DHRS7: variants seen among roughly 807,000 people sequenced by gnomAD.
DHRS7 encodes dehydrogenase/reductase 7.
In DHRS7, 34 loss-of-function variants were observed where a neutral mutation model predicts 38.9. The observed-to-expected ratio is 0.87, with a 90% CI of 0.66 to 1.16. The LOEUF is 1.16. DHRS7 is among the 50% of genes most tolerant of loss of function. DHRS7 has a pLI of 0.00. For synonymous variants in DHRS7, 158 were observed against 153.1 expected, an observed-to-expected ratio of 1.03 and a Z score of -0.24; for missense variants, 421 against 407.0, an observed-to-expected ratio of 1.03 and a Z score of -0.30.
chr14:60,155,817 GC>G (rs1327642878), intron 2 of DHRS7, 182 bp downstream of exon 2: 1 of 448,652 alleles, frequency 2.2e-6, no homozygotes, highest in Non-Finnish European at 3.6e-6. Flanking sequence ...TAGAAAGGTG[GC>G]AGAAAAGAAG....
At chr14:60,163,701 A>C (rs1896808064) in intron 1 of DHRS7, among the ~76,000 whole-genome samples, 1 of 152,232 alleles carries the variant, frequency 6.6e-6, no homozygotes, top group African/African-American at 2.4e-5. Context: ...GCTTAGAGAT[A>C]TTCATTCAGA....
intron 4 of DHRS7, among the ~76,000 whole-genome samples, chr14:60,151,618 G>A (rs1896547585): frequency 6.6e-6 from 1 of 151,432 alleles, no homozygotes; most frequent in Non-Finnish European, 1.5e-5. Context: ...AAAGAGGAGA[G>A]AGGACACCAA....
intron 4 of DHRS7, among the ~76,000 whole-genome samples, chr14:60,151,895 T>TA (rs1237205265): frequency 1.3e-5 from 2 of 152,170 alleles, no homozygotes; most frequent in African/African-American, 2.4e-5. Flanking sequence ...CAGCATATCT[T>TA]ATGAGACACG....
chr14:60,154,028 C>G lies in DHRS7; in HGVS notation c.324G>C (p.Leu108Phe). The G allele has an allele frequency of 6.2e-7, 1 of 1,613,964 alleles. No individual in the cohort carries two copies. The highest frequency in any genetic ancestry group is 8.5e-7 in the Non-Finnish European group (1 of 1,179,910). The change falls in exon 3 of 7, where the codon TTG (leucine) becomes TTC (phenylalanine). Residue 108 changes from leucine to phenylalanine, a missense_variant. Leu to Phe is a conservative substitution (Grantham distance 22, BLOSUM62 0). Coordinates refer to ENST00000557185, the MANE Select transcript of DHRS7 (RefSeq NM_016029.4). ...GNLKEKDILVLPLDLTDTGSH... is the reference protein window; with the variant it reads ...GNLKEKDILVFPLDLTDTGSH... ...AACCAGTGTCGGTCAGGTCAAGGGG[C>G]AAAACAAGTATATCTTTTTCTTTTA... is the stretch of plus-strand genomic sequence containing the variant.
Position 60,165,120 on chromosome 14 carries a change from G to T in DHRS7, c.133+57C>A. 1 of 1,596,848 alleles carries T rather than the reference G, an allele frequency of 6.3e-7. No homozygotes were observed. The highest frequency in any genetic ancestry group is 8.5e-7 in the Non-Finnish European group (1 of 1,172,372). On this transcript the variant is annotated intron_variant, in intron 1 of 6. Transcript: ENST00000557185. The surrounding 1 kb of genome is among the most constrained non-coding windows in gnomAD (Gnocchi z 4.6). ...GCAGAACCCCCGGAGACCCGGACAC[G>T]CCTCGGCAGCTCCGAGCCCGGCCTC... is the stretch of plus-strand genomic sequence containing the variant.
chr14:60,152,870 A>G lies in DHRS7; in HGVS notation c.633+69T>C, dbSNP rs1595194074. On this transcript the variant is annotated intron_variant, in intron 4 of 6. Coordinates refer to ENST00000557185, the MANE Select transcript of DHRS7 (RefSeq NM_016029.4). ...ACTTCCAGTTCCAAGGACCTCACAC[A>G]GTGATGGCCATATCCCCCATATACA... 1.9e-6 allele frequency: 3 copies of G among 1,564,410 alleles called. No homozygotes were observed. In the East Asian group the frequency reaches 6.8e-5, roughly 35 times the overall value.
chr14:60,169,254 G>C (rs1247746676), upstream of DHRS7: 1 of 149,766 alleles, frequency 6.7e-6, no homozygotes, highest in Non-Finnish European at 1.5e-5. Context: ...TCAAGGCCTT[G>C]TACATACTGT....
At position 60,150,196 on chromosome 14, in the gene DHRS7, CAAAAAAA is replaced by C. The variant is rs56277430; in HGVS notation, c.634-16_634-10del. The stretch of plus-strand genomic sequence containing the variant: ...AGGCCATTAAAAAAACCCTAACAGA[CAAAAAAA>C]AAAAAAAAGGAAAAAGGCAAATAAA... On this transcript the variant is annotated splice_polypyrimidine_tract_variant and intron_variant, in intron 4 of 6. Coordinates refer to ENST00000557185, the MANE Select transcript of DHRS7 (RefSeq NM_016029.4). 1.0e-5 allele frequency: 12 copies of C among 1,189,286 alleles called. No homozygotes were observed. Among genetic ancestry groups the C allele is most frequent in the African/African-American group, 1.9e-5 (1 of 53,696 alleles). 73.7% of individuals were successfully genotyped at this position (1,189,286 alleles called of 1,614,324 possible).
intron 4 of DHRS7, among the ~76,000 whole-genome samples, chr14:60,151,539 A>ACC (rs1566531138): frequency 1.6e-3 from 240 of 151,136 alleles, no homozygotes; most frequent in African/African-American, 5.6e-3. Flanking sequence ...ATGAACCCAA[A>ACC]AAAAAAAAAA....
At chr14:60,168,002 A>G (rs570084297), upstream of DHRS7, among the ~76,000 whole-genome samples, 1 of 152,356 alleles carries the variant, frequency 6.6e-6, no homozygotes, top group East Asian at 1.9e-4. Flanking sequence ...GCCTCCCTCC[A>G]CAAGCTCTGG....
At position 60,149,474 on chromosome 14, in the gene DHRS7, A is replaced by T. The variant is rs778880826; in HGVS notation, c.851T>A (p.Val284Asp). The change falls in exon 6 of 7, where the codon GTT (valine) becomes GAT (aspartate). Residue 284 changes from valine (V) to aspartate (D), a missense_variant. Coordinates refer to ENST00000557185, the MANE Select transcript of DHRS7 (RefSeq NM_016029.4). ...LISMANDLKE[V>D]WISEQPFLLV... ...CAAGAAAGGTTGTTCTGAGATCCAA[A>T]CTTCTTTCAAATCATTGGCCATGCT... The T allele has an allele frequency of 6.2e-7, 1 of 1,614,136 alleles. No homozygotes were observed. Among genetic ancestry groups the T allele is most frequent in the Non-Finnish European group, 8.5e-7 (1 of 1,180,004 alleles).
Position 60,165,122 on chromosome 14 carries a change from C to T in DHRS7, c.133+55G>A. On this transcript the variant is annotated intron_variant, in intron 1 of 6. Coordinates refer to ENST00000557185, the MANE Select transcript of DHRS7 (RefSeq NM_016029.4). The surrounding 1 kb of genome is among the most constrained non-coding windows in gnomAD (Gnocchi z 4.6). The stretch of plus-strand genomic sequence containing the variant: ...AGAACCCCCGGAGACCCGGACACGC[C>T]TCGGCAGCTCCGAGCCCGGCCTCCC... 1 of 1,599,694 alleles carries T rather than the reference C, an allele frequency of 6.3e-7. No individual in the cohort carries two copies. Among genetic ancestry groups the T allele is most frequent in the South Asian group, 1.1e-5 (1 of 89,362 alleles).
At chr14:60,163,530 T>A (rs2140615952) in intron 1 of DHRS7, among the ~76,000 whole-genome samples, 1 of 152,360 alleles carries the variant, frequency 6.6e-6, no homozygotes, top group Middle Eastern at 3.4e-3. Context: ...TTGCAAATTA[T>A]ATAACTACAT....
In DHRS7 at chr14:60,145,783, G is replaced by A. The variant is rs868748498; in HGVS notation, c.973-770C>T. Reference sequence around the variant, plus strand: ...CAAGATGTGATGTTTCTTTTCAGAAGATATGCATTTACCACTTTCAAAACT... The same window carrying A: ...CAAGATGTGATGTTTCTTTTCAGAAAATATGCATTTACCACTTTCAAAACT... On this transcript the variant is annotated intron_variant, in intron 6 of 6. Transcript: ENST00000557185. This position sits in a 1 kb window ranked among gnomAD's most constrained non-coding sequence, Gnocchi z 4.0. 1 of 152,024 alleles carries A rather than the reference G, an allele frequency of 6.6e-6. No homozygotes were observed. The highest frequency in any genetic ancestry group is 1.5e-5 in the Non-Finnish European group (1 of 68,012). 9.4% of individuals were successfully genotyped at this position (152,024 alleles called of 1,614,324 possible). A position where few individuals can be genotyped will look rare whatever the true frequency, so the allele number is the denominator to read the frequency against.
Position 60,155,988 on chromosome 14 carries a change from A to G in DHRS7, c.286+12T>C, listed in dbSNP as rs367880509. 5 of 1,531,348 alleles carry G rather than the reference A, an allele frequency of 3.3e-6. No homozygotes were observed. In the African/African-American group the frequency reaches 5.7e-5, roughly 17 times the overall value. 94.9% of individuals were successfully genotyped at this position (1,531,348 alleles called of 1,614,324 possible). A position where few individuals can be genotyped will look rare whatever the true frequency, so the allele number is the denominator to read the frequency against. ...TTCTAGGAAGCACCGCTGCTATTTC[A>G]GATCCGCTTACCTAGGCATCTTCTT... is the stretch of plus-strand genomic sequence containing the variant. On this transcript the variant is annotated intron_variant, in intron 2 of 6. Coordinates refer to ENST00000557185, the MANE Select transcript of DHRS7 (RefSeq NM_016029.4).
upstream of DHRS7, chr14:60,166,219 A>T (rs1896865493): frequency 1.0e-6 from 1 of 985,250 alleles, no homozygotes; most frequent in Admixed American, 6.1e-5. Flanking sequence ...TTGAGGCATC[A>T]ATAGTAGCAT....
chr14:60,158,302 A>G (rs1354005840), intron 1 of DHRS7, among the ~76,000 whole-genome samples: 2 of 152,024 alleles, frequency 1.3e-5, no homozygotes, highest in African/African-American at 4.8e-5. Context: ...CTGGGCTACA[A>G]TGCTTTCCTG....
rs1595200288 is a variant in DHRS7, at chr14:60,161,095, T to C, written c.133+4082A>G. On this transcript the variant is annotated intron_variant, in intron 1 of 6. Coordinates refer to ENST00000557185, the MANE Select transcript of DHRS7 (RefSeq NM_016029.4). This position sits in a 1 kb window ranked among gnomAD's most constrained non-coding sequence, Gnocchi z 4.2. ...ATCCTGCTTGTTCTCCCAGAATTTT[T>C]TGTAAACTCAACTCCTCTGTTTACA... Among the ~76,000 whole-genome samples, 1 of 152,242 alleles carries C rather than the reference T, an allele frequency of 6.6e-6. No individual in the cohort carries two copies. Among genetic ancestry groups the C allele is most frequent in the Non-Finnish European group, 1.5e-5 (1 of 68,030 alleles).
At chr14:60,168,980 A>G (rs1896898970), upstream of DHRS7, 4 of 409,302 alleles carry the variant, frequency 9.8e-6, no homozygotes, top group African/African-American at 8.2e-5. Flanking sequence ...ATGTTAACAT[A>G]CATTGCACCG....
Sources: allele counts gnomAD v4.1 joint callset (sites outside exome capture counted in the v4.1 genomes callset), GRCh38; gene constraint gnomAD v4.1.1; non-coding constraint Gnocchi (gnomAD v3.1); transcripts MANE v1.5; gene names NCBI Gene and HGNC (gene_info 2026-07-23, HGNC 2026-07-21).